Variants in TOPAZ1 observed in about 807,000 individuals in gnomAD.
TOPAZ1 encodes protein TOPAZ1.
TOPAZ1 carries 66 observed loss-of-function variants against 172.2 expected under a neutral mutation model. The ratio of observed to expected loss-of-function variants is 0.38; its 90% CI spans 0.31 to 0.47. The LOEUF is 0.47. Among genes scored for constraint, TOPAZ1 ranks in the 20% least tolerant of loss-of-function variants. TOPAZ1 has a pLI of 0.99. For missense variants in TOPAZ1, 1,822 were observed against 1,972.4 expected, an observed-to-expected ratio of 0.92 and a Z score of 1.44; for synonymous variants, 681 against 683.9, an observed-to-expected ratio of 1.00 and a Z score of 0.07.
intron 8 of TOPAZ1, among the ~76,000 whole-genome samples, chr3:44,276,861 G>C (rs887456954): frequency 1.3e-5 from 2 of 151,670 alleles, no homozygotes; most frequent in African/African-American, 4.8e-5. Context: ...CGAGATCTCG[G>C]CTCACTGCAC....
intron 8 of TOPAZ1, among the ~76,000 whole-genome samples, chr3:44,279,331 C>T (rs1478229249): frequency 6.6e-6 from 1 of 152,048 alleles, no homozygotes; most frequent in Non-Finnish European, 1.5e-5. Flanking sequence ...TCTGTTAGGT[C>T]CTTTGATTTA....
chr3:44,306,513 A>T, intron 15 of TOPAZ1, 87 bp downstream of exon 15: 1 of 706,006 alleles, frequency 1.4e-6, no homozygotes, highest in Non-Finnish European at 2.3e-6. Flanking sequence ...CCTGCAAATT[A>T]GGAGTTTGCT....
chr3:44,336,239 A>G (rs1700724781), downstream of TOPAZ1, among the ~76,000 whole-genome samples: 1 of 152,240 alleles, frequency 6.6e-6, no homozygotes, highest in South Asian at 2.1e-4. Context: ...GCTGTAAATT[A>G]GCTTGTAATT....
Position 44,245,107 on chromosome 3 carries a change from T to C in TOPAZ1, c.2601T>C (p.Ile867=), listed in dbSNP as rs1699547434. 1 of 1,551,878 alleles carries C rather than the reference T, an allele frequency of 6.4e-7. No individual in the cohort carries two copies. Among genetic ancestry groups the C allele is most frequent in the Non-Finnish European group, 8.7e-7 (1 of 1,147,074 alleles). ...YEDDVLLIDV[I]QDDPDLFGVS... ...ATGACGTCCTCTTAATTGATGTAATTCAAGATGACCCAGACCTCTTTGGAG... is the reference window on the plus strand; with the variant it reads ...ATGACGTCCTCTTAATTGATGTAATCCAAGATGACCCAGACCTCTTTGGAG... The change falls in exon 2 of 20, where the codon ATT becomes ATC. Residue 867 remains isoleucine, a synonymous_variant. Transcript: ENST00000309765.
chr3:44,276,333 C>G (rs1262656793), intron 8 of TOPAZ1, among the ~76,000 whole-genome samples: 4 of 152,046 alleles, frequency 2.6e-5, no homozygotes, highest in African/African-American at 9.7e-5. Context: ...TTTAATCCAT[C>G]TTGAGTTGAT....
At position 44,307,100 on chromosome 3, in the gene TOPAZ1, A is replaced by G. The variant is rs1046193209; in HGVS notation, c.4140+674A>G. ...TGCAATACTGCAATCTTGGCTCACCACAGCCTCCGCCTCCCAGGTTCAAGC... is the reference window on the plus strand; with the variant it reads ...TGCAATACTGCAATCTTGGCTCACCGCAGCCTCCGCCTCCCAGGTTCAAGC... On this transcript the variant is annotated intron_variant, in intron 15 of 19. Coordinates refer to ENST00000309765, the MANE Select transcript of TOPAZ1 (RefSeq NM_001145030.2). Among the ~76,000 whole-genome samples the G allele has an allele frequency of 8.5e-5, 13 of 152,106 alleles. No homozygotes were observed. In the East Asian group the frequency reaches 2.3e-3, roughly 27 times the overall value.
intron 5 of TOPAZ1, among the ~76,000 whole-genome samples, chr3:44,262,895 C>G (rs576871665): frequency 1.1e-4 from 17 of 152,176 alleles, no homozygotes; most frequent in Non-Finnish European, 2.5e-4. Flanking sequence ...TTGGAGGACA[C>G]CTTAAAGACC....
intron 8 of TOPAZ1, among the ~76,000 whole-genome samples, chr3:44,273,559 G>A (rs1699920523): frequency 6.6e-6 from 1 of 152,056 alleles, no homozygotes; most frequent in African/African-American, 2.4e-5. Context: ...ATTTAGTTTG[G>A]CATTCATCAA....
intron 12 of TOPAZ1, among the ~76,000 whole-genome samples, chr3:44,294,963 T>C (rs1700177705): frequency 1.3e-5 from 2 of 152,230 alleles, no homozygotes; most frequent in Admixed American, 1.3e-4. Flanking sequence ...TCAGTGATTA[T>C]TTTAAAACTT....
At chr3:44,302,266 C>T (rs1422094491) in intron 12 of TOPAZ1, among the ~76,000 whole-genome samples, 8 of 151,678 alleles carry the variant, frequency 5.3e-5, no homozygotes, top group East Asian at 1.9e-4. Flanking sequence ...AAAAACTAGC[C>T]GGGTGTGGTG....
chr3:44,312,894 T>C (rs562972574), intron 16 of TOPAZ1, among the ~76,000 whole-genome samples: 71 of 152,356 alleles, frequency 4.7e-4, no homozygotes, highest in African/African-American at 1.7e-3. Context: ...TATGAAAAGC[T>C]GGATAAGCAA....
At chr3:44,279,145 C>G (rs969225676) in intron 8 of TOPAZ1, among the ~76,000 whole-genome samples, 16 of 152,018 alleles carry the variant, frequency 1.1e-4, no homozygotes, top group African/African-American at 3.4e-4. Flanking sequence ...TCCAGAGTTC[C>G]TCATGTTATT....
At chr3:44,278,737 G>A (rs1041458307) in intron 8 of TOPAZ1, among the ~76,000 whole-genome samples, 1 of 148,798 alleles carries the variant, frequency 6.7e-6, no homozygotes, top group Non-Finnish European at 1.5e-5. Flanking sequence ...CTTTTTCTTG[G>A]TTAGTTTAGC....
intron 9 of TOPAZ1, among the ~76,000 whole-genome samples, chr3:44,285,459 C>T (rs1310623905): frequency 1.3e-5 from 2 of 151,874 alleles, no homozygotes; most frequent in Admixed American, 6.6e-5. Flanking sequence ...AGAGCAAGAC[C>T]GTGTCTCAAA....
At chr3:44,282,385 C>T (rs1366948186) in intron 9 of TOPAZ1, among the ~76,000 whole-genome samples, 1 of 152,040 alleles carries the variant, frequency 6.6e-6, no homozygotes, top group African/African-American at 2.4e-5. Flanking sequence ...TTACATTTAC[C>T]TCTTGTAGCC....
At chr3:44,327,394 A>G (rs1408091228) in intron 18 of TOPAZ1, among the ~76,000 whole-genome samples, 1 of 152,202 alleles carries the variant, frequency 6.6e-6, no homozygotes, top group Non-Finnish European at 1.5e-5. Context: ...GAAGTTTTAT[A>G]GGTATTTCCC....
In TOPAZ1 at chr3:44,242,257, G is replaced by C; in HGVS notation, c.204G>C (p.Ser68=). 6.5e-7 allele frequency: 1 copy of C among 1,549,144 alleles called. No individual in the cohort carries two copies. The highest frequency in any genetic ancestry group is 8.7e-7 in the Non-Finnish European group (1 of 1,146,360). Residue 68 remains serine (S), a synonymous_variant, in exon 1 of 20, where the codon TCG becomes TCC. Coordinates refer to ENST00000309765, the MANE Select transcript of TOPAZ1 (RefSeq NM_001145030.2). ...GAGGCGAGGTGGAAAGTGATAAGTC[G>C]GTTGCAGCATCAGGGGCTGGAAAGG... ...PGRGEVESDK[S]VAASGAGKAA...
intron 9 of TOPAZ1, among the ~76,000 whole-genome samples, chr3:44,284,404 C>G (rs1007949498): frequency 6.6e-6 from 1 of 152,142 alleles, no homozygotes; most frequent in Non-Finnish European, 1.5e-5. Context: ...TTTCACTTAG[C>G]ATAATGTCCT....
intron 8 of TOPAZ1, among the ~76,000 whole-genome samples, chr3:44,273,632 G>A (rs2125687845): frequency 6.6e-6 from 1 of 152,190 alleles, no homozygotes; most frequent in African/African-American, 2.4e-5. Context: ...CACCCCCCAT[G>A]CTCCAATCAC....
Sources: allele counts gnomAD v4.1 joint callset (sites outside exome capture counted in the v4.1 genomes callset), GRCh38; gene constraint gnomAD v4.1.1; transcripts MANE v1.5; gene names NCBI Gene and HGNC (gene_info 2026-07-23, HGNC 2026-07-21).